OR6C6: variants seen among roughly 807,000 people sequenced by gnomAD.
OR6C6 encodes olfactory receptor 6C6.
For synonymous variants in OR6C6, 140 were observed against 135.2 expected (o/e 1.04, Z -0.25); for missense variants, 411 against 366.8 (o/e 1.12, Z -0.98).
At position 55,294,660 on chromosome 12, in the gene OR6C6, A is replaced by G. The variant is rs765014918; in HGVS notation, c.573T>C (p.His191=). ...PILQISCTDT[H]VLELMSFTLA... is the part of the protein sequence containing the mutation. ...AGGTAAAAGACATCAATTCTAGGAC[A>G]TGGGTATCTGTGCAGGAGATCTGCA... The change falls in exon 2 of 2, where the codon CAT becomes CAC. Residue 191 remains histidine, a synonymous_variant. Coordinates refer to ENST00000358433, the MANE Select transcript of OR6C6 (RefSeq NM_001005493.2). The G allele has an allele frequency of 6.2e-7, 1 of 1,614,094 alleles. No homozygotes were observed. Among genetic ancestry groups the G allele is most frequent in the Non-Finnish European group, 8.5e-7 (1 of 1,179,954 alleles).
rs766924846 is a variant in OR6C6 at position 55,294,679 on chromosome 12, A to T, written c.554T>A (p.Ile185Asn). Residue 185 changes from isoleucine (I) to asparagine (N), a missense_variant, in exon 2 of 2, where the codon ATC (isoleucine) becomes AAC (asparagine). Coordinates refer to ENST00000358433, the MANE Select transcript of OR6C6 (RefSeq NM_001005493.2). The part of the protein sequence containing the change: ...FMCETSPILQ[I>N]SCTDTHVLEL... Reference sequence around the variant, plus strand: ...TAGGACATGGGTATCTGTGCAGGAGATCTGCAGAATAGGAGAAGTTTCACA... The same window carrying T: ...TAGGACATGGGTATCTGTGCAGGAGTTCTGCAGAATAGGAGAAGTTTCACA... 1.9e-6 allele frequency: 3 copies of T among 1,613,966 alleles called. No individual in the cohort carries two copies. Among genetic ancestry groups the T allele is most frequent in the Non-Finnish European group, 2.5e-6 (3 of 1,179,884 alleles).
rs1868256522 is a variant in OR6C6 at position 55,296,391 on chromosome 12, T to G, written c.-98A>C. ...GCATGCTAACATAATTAGTGACAATTCTACTCATTTTATGACCACATTTTA... is the reference window on the plus strand; with the variant it reads ...GCATGCTAACATAATTAGTGACAATGCTACTCATTTTATGACCACATTTTA... On this transcript the variant is annotated 5_prime_UTR_variant, in exon 1 of 2. Transcript: ENST00000358433. The G allele has an allele frequency of 6.6e-6, 1 of 152,052 alleles. No individual in the cohort carries two copies. The allele number at this position is 152,052 out of a possible 1,614,324, so 9.4% of individuals were successfully genotyped here.
rs1443255351 is a variant in OR6C6, at chr12:55,294,043, C to G, written c.*245G>C. 2 of 283,598 alleles carry G rather than the reference C, an allele frequency of 7.1e-6. No individual in the cohort carries two copies. The highest frequency in any genetic ancestry group is 4.4e-5 in the African/African-American group (2 of 45,478). The allele number at this position is 283,598 out of a possible 1,614,324, so 17.6% of individuals were successfully genotyped here. On this transcript the variant is annotated 3_prime_UTR_variant, in exon 2 of 2. Coordinates refer to ENST00000358433, the MANE Select transcript of OR6C6 (RefSeq NM_001005493.2). ...CACTGCAACCTCCACCTCCCGAGTT[C>G]AAGCTATTCTCTTGCCTCAGACTCC...
In OR6C6 at chr12:55,294,891, A is replaced by G; in HGVS notation, c.342T>C (p.Ala114=). 2 of 1,614,030 alleles carry G rather than the reference A, an allele frequency of 1.2e-6. No individual in the cohort carries two copies. Among genetic ancestry groups the G allele is most frequent in the South Asian group, 2.2e-5 (2 of 91,086 alleles). The change falls in exon 2 of 2, where the codon GCT becomes GCC. Residue 114 remains alanine (A), a synonymous_variant. Coordinates refer to ENST00000358433, the MANE Select transcript of OR6C6 (RefSeq NM_001005493.2). ...CAACGTAGCGGTCATAGGACATGGC[A>G]GCCAGGAGGTAAAACTCAGTAACTC... is the stretch of plus-strand genomic sequence containing the variant. ...LPGVTEFYLL[A]AMSYDRYVAI...
chr12:55,295,402 T>C (rs1868251056), intron 1 of OR6C6, 145 bp from the exon 2 acceptor site: 3 of 450,316 alleles, frequency 6.7e-6, no homozygotes, highest in African/African-American at 2.0e-5. Context: ...TTACATACCA[T>C]AGGTGAATTC....
rs1428044523 is a variant in OR6C6, at chr12:55,294,380, G to T, written c.853C>A (p.Pro285Thr). 1.2e-6 allele frequency: 2 copies of T among 1,613,164 alleles called. No individual in the cohort carries two copies. Among genetic ancestry groups the T allele is most frequent in the South Asian group, 1.1e-5 (1 of 91,066 alleles). ...LYTSIAPLLNPFIYTLRNQQV... is the reference protein window; with the variant it reads ...LYTSIAPLLNTFIYTLRNQQV... ...TGGTTTCTGAGAGTATAAATGAAGG[G>T]ATTTAGTAAAGGGGCAATTGAGGTA... Residue 285 changes from proline (P) to threonine (T), a missense_variant, in exon 2 of 2, where the codon CCC becomes ACC. Coordinates refer to ENST00000358433, the MANE Select transcript of OR6C6 (RefSeq NM_001005493.2).
At position 55,294,482 on chromosome 12, in the gene OR6C6, C is replaced by T. The variant is rs756703267; in HGVS notation, c.751G>A (p.Gly251Ser). The stretch of plus-strand genomic sequence containing the variant: ...TTAATATACATAAAGATACAGCTAC[C>T]GTATGTCATGGAGACAACAATCATG... ...SHMIVVSMTY[G>S]SCIFMYIKPS... is the part of the protein sequence containing the mutation. The change falls in exon 2 of 2, where the codon GGT (glycine) becomes AGT (serine). Residue 251 changes from glycine to serine, a missense_variant. Physicochemically the swap from Gly to Ser is moderately conservative, Grantham distance 56. Transcript: ENST00000358433. 1 of 1,613,596 alleles carries T rather than the reference C, an allele frequency of 6.2e-7. No homozygotes were observed. Among genetic ancestry groups the T allele is most frequent in the Non-Finnish European group, 8.5e-7 (1 of 1,179,600 alleles).
rs1210030148 is a variant in OR6C6 at position 55,294,296 on chromosome 12, G to T, written c.937C>A (p.Pro313Thr). The part of the protein sequence containing the change: ...LQKNLCFSKR[P>T]F ...TAATTTGTAGCAGATTCTTAAAATG[G>T]TCTTTTAGAAAAACACAAATTCTTT... The change falls in exon 2 of 2, where the codon CCA becomes ACA. Residue 313 changes from proline to threonine, a missense_variant. By Grantham distance (38) the Pro-to-Thr change is conservative. Coordinates refer to ENST00000358433, the MANE Select transcript of OR6C6 (RefSeq NM_001005493.2). 8 of 1,571,998 alleles carry T rather than the reference G, an allele frequency of 5.1e-6. No individual in the cohort carries two copies. The highest frequency in any genetic ancestry group is 1.4e-5 in the African/African-American group (1 of 73,280).
rs1204624214 is a variant in OR6C6, at chr12:55,294,097, A to G, written c.*191T>C. The G allele has an allele frequency of 8.5e-6, 4 of 469,318 alleles. No homozygotes were observed. 29.1% of individuals were successfully genotyped at this position (469,318 alleles called of 1,614,324 possible). A position where few individuals can be genotyped will look rare whatever the true frequency, so the allele number is the denominator to read the frequency against. On this transcript the variant is annotated 3_prime_UTR_variant, in exon 2 of 2. Transcript: ENST00000358433. ...GTAGCTGGGATTACAGGCACTCTCC[A>G]CCACGCCCAGCTAATTTTTGTACTT...
intron 1 of OR6C6, 108 bp from the exon 2 acceptor site, chr12:55,295,365 C>T (rs1465030553): frequency 9.3e-6 from 5 of 535,570 alleles, no homozygotes; most frequent in Non-Finnish European, 1.3e-5. Context: ...ATGGTTTCTC[C>T]AGCCTGAAAT....
Position 55,294,632 on chromosome 12 carries a change from C to G in OR6C6, c.601G>C (p.Ala201Pro). The G allele has an allele frequency of 1.2e-6, 2 of 1,613,980 alleles. No homozygotes were observed. The highest frequency in any genetic ancestry group is 2.2e-5 in the East Asian group (1 of 44,858). The change falls in exon 2 of 2, where the codon GCT becomes CCT. Residue 201 changes from alanine to proline, a missense_variant. Physicochemically the swap from Ala to Pro is conservative, Grantham distance 27. Coordinates refer to ENST00000358433, the MANE Select transcript of OR6C6 (RefSeq NM_001005493.2). ...HVLELMSFTL[A>P]VVTLVVTLVL... ...AGTGTGACCACAAGTGTCACCACAG[C>G]TAAGGTAAAAGACATCAATTCTAGG...
Position 55,295,080 on chromosome 12 carries a change from G to A in OR6C6, c.153C>T (p.Pro51=), listed in dbSNP as rs1323054824. The change falls in exon 2 of 2, where the codon CCC becomes CCT. Residue 51 remains proline (P), a synonymous_variant. Transcript: ENST00000358433. ...AGAAATACATTGGCGTCTTGAGCCG[G>A]GGATCCAGCAGGGTGAGGATGATGA... ...LIIIILTLLD[P]RLKTPMYFFL... is the part of the protein sequence containing the mutation. 19 of 1,613,938 alleles carry A rather than the reference G, an allele frequency of 1.2e-5. No individual in the cohort carries two copies. Among genetic ancestry groups the A allele is most frequent in the Non-Finnish European group, 1.6e-5 (19 of 1,179,952 alleles).
At position 55,294,222 on chromosome 12, in the gene OR6C6, G is replaced by A; in HGVS notation, c.*66C>T. 3 of 967,070 alleles carry A rather than the reference G, an allele frequency of 3.1e-6. No homozygotes were observed. Among genetic ancestry groups the A allele is most frequent in the Non-Finnish European group, 4.8e-6 (3 of 629,962 alleles). 59.9% of individuals were successfully genotyped at this position (967,070 alleles called of 1,614,324 possible). On this transcript the variant is annotated 3_prime_UTR_variant, in exon 2 of 2. Transcript: ENST00000358433. ...AGCCTCCCAAAGTGCTGTGATTACA[G>A]GCATGAGCCACCATGCCAGGCCGTT...
At chr12:55,295,302 T>C (rs1157227397) in intron 1 of OR6C6, 45 bp from the exon 2 acceptor site, 14 of 734,320 alleles carry the variant, frequency 1.9e-5, no homozygotes, top group Non-Finnish European at 2.6e-5. Flanking sequence ...TATATACATA[T>C]ATGTATTTCT....
At position 55,294,168 on chromosome 12, in the gene OR6C6, A is replaced by T. The variant is rs1954569667; in HGVS notation, c.*120T>A. ...ACCATGTTGGCCAGGCTGGTCTCGA[A>T]CTCCTGACCTCAGGTAACCACCCTC... On this transcript the variant is annotated 3_prime_UTR_variant, in exon 2 of 2. Transcript: ENST00000358433. 3.2e-6 allele frequency: 2 copies of T among 621,624 alleles called. No individual in the cohort carries two copies. Among genetic ancestry groups the T allele is most frequent in the Non-Finnish European group, 5.7e-6 (2 of 352,684 alleles). The allele number at this position is 621,624 out of a possible 1,614,324, so 38.5% of individuals were successfully genotyped here. A position where few individuals can be genotyped will look rare whatever the true frequency, so the allele number is the denominator to read the frequency against.
chr12:55,294,067 C>T lies in OR6C6; in HGVS notation c.*221G>A. The T allele has an allele frequency of 5.2e-6, 2 of 382,106 alleles. No homozygotes were observed. The highest frequency in any genetic ancestry group is 6.6e-5 in the South Asian group (2 of 30,162). The allele number at this position is 382,106 out of a possible 1,614,324, so 23.7% of individuals were successfully genotyped here. On this transcript the variant is annotated 3_prime_UTR_variant, in exon 2 of 2. Coordinates refer to ENST00000358433, the MANE Select transcript of OR6C6 (RefSeq NM_001005493.2). ...TCAAGCTATTCTCTTGCCTCAGACT[C>T]CTGAGTAGCTGGGATTACAGGCACT... is the stretch of plus-strand genomic sequence containing the variant.
rs557135253 is a variant in OR6C6 at position 55,294,104 on chromosome 12, C to A, written c.*184G>T. ...GGATTACAGGCACTCTCCACCACGCCCAGCTAATTTTTGTACTTTTAAGTA... is the reference window on the plus strand; with the variant it reads ...GGATTACAGGCACTCTCCACCACGCACAGCTAATTTTTGTACTTTTAAGTA... On this transcript the variant is annotated 3_prime_UTR_variant, in exon 2 of 2. Coordinates refer to ENST00000358433, the MANE Select transcript of OR6C6 (RefSeq NM_001005493.2). The A allele has an allele frequency of 3.1e-5, 15 of 477,140 alleles. No homozygotes were observed. The South Asian group carries it at 3.7e-4, about 12-fold the overall frequency. 29.6% of individuals were successfully genotyped at this position (477,140 alleles called of 1,614,324 possible).
Position 55,294,342 on chromosome 12 carries a change from TTC to T in OR6C6, c.889_890del (p.Glu297SerfsTer14), listed in dbSNP as rs1954571235. ...IYTLRNQQVK[E>X]VFWDVLQKNL... ...TCTTTTGTAATACATCCCAGAAGAC[TTC>T]TTTCACCTGCTGGTTTCTGAGAGTA... On this transcript the variant is annotated frameshift_variant, in exon 2 of 2. Coordinates refer to ENST00000358433, the MANE Select transcript of OR6C6 (RefSeq NM_001005493.2). LOFTEE classifies it low-confidence loss of function (END_TRUNC). 6.2e-7 allele frequency: 1 copy of T among 1,612,928 alleles called. No individual in the cohort carries two copies. Among genetic ancestry groups the T allele is most frequent in the African/African-American group, 1.3e-5 (1 of 74,894 alleles).
chr12:55,294,560 T>C lies in OR6C6; in HGVS notation c.673A>G (p.Lys225Glu), dbSNP rs960883062. Residue 225 changes from lysine to glutamate, a missense_variant, in exon 2 of 2, where the codon AAA (lysine) becomes GAA (glutamate). Coordinates refer to ENST00000358433, the MANE Select transcript of OR6C6 (RefSeq NM_001005493.2). ...SYTCIIKTIL[K>E]FSSAQQRNKA... Reference sequence around the variant, plus strand: ...TTCCTTTGCTGTGCAGAAGAGAATTTCAGAATGGTCTTAATAATGCAAGTG... The same window carrying C: ...TTCCTTTGCTGTGCAGAAGAGAATTCCAGAATGGTCTTAATAATGCAAGTG... The C allele has an allele frequency of 1.2e-6, 2 of 1,613,990 alleles. No individual in the cohort carries two copies. Among genetic ancestry groups the C allele is most frequent in the African/African-American group, 2.7e-5 (2 of 74,928 alleles).
Sources: allele counts gnomAD v4.1 joint callset, GRCh38; gene constraint gnomAD v4.1.1; transcripts MANE v1.5; gene names NCBI Gene and HGNC (gene_info 2026-07-23, HGNC 2026-07-21).